Variants in GRHL2 observed in about 807,000 individuals in gnomAD.
GRHL2 encodes the protein grainyhead like transcription factor 2.
Under a neutral mutation model 83.8 loss-of-function variants are expected in GRHL2, and 21 were observed. The observed-to-expected ratio is 0.25, with a 90% CI of 0.18 to 0.36. The LOEUF (loss-of-function observed/expected upper bound fraction) is 0.36. Ranked by LOEUF, GRHL2 falls within the 10% of genes least tolerant of loss-of-function variation. The pLI is 1.00. For missense variants in GRHL2, 623 were observed against 781.8 expected (o/e 0.80, Z 2.42); for synonymous variants, 280 against 278.9 (o/e 1.00, Z -0.04).
chr8:101,532,811 T>TTG (rs566590699), intron 1 of GRHL2, among the ~76,000 whole-genome samples: 215 of 149,310 alleles, frequency 1.4e-3, no homozygotes, highest in African/African-American at 4.7e-3. Context: ...AAGGCTATGC[T>TTG]TGTGTGTGTG....
chr8:101,643,806 C>T (rs981259242), intron 12 of GRHL2, among the ~76,000 whole-genome samples: 1 of 152,258 alleles, frequency 6.6e-6, no homozygotes. Context: ...ATTTACTTCC[C>T]CCCAGCCCCG....
the GRHL2 span, among the ~76,000 whole-genome samples, chr8:101,678,240 C>T: frequency 1.3e-5 from 2 of 152,140 alleles, no homozygotes; most frequent in African/African-American, 4.8e-5. Flanking sequence ...CGTGTGCGAG[C>T]CAAAGCAGGG....
intron 14 of GRHL2, among the ~76,000 whole-genome samples, chr8:101,658,645 G>A (rs960289698): frequency 6.6e-6 from 1 of 152,130 alleles, no homozygotes. Flanking sequence ...CATGCTTTGG[G>A]GAGCTGGGAA....
chr8:101,671,834 C>A (rs1741380231), downstream of GRHL2, among the ~76,000 whole-genome samples: 1 of 152,312 alleles, frequency 6.6e-6, no homozygotes, highest in South Asian at 2.1e-4. Flanking sequence ...TCCTCTGAGA[C>A]AAAACTTTCA....
chr8:101,586,081 T>C (rs1812161670), intron 7 of GRHL2, among the ~76,000 whole-genome samples: 1 of 128,770 alleles, frequency 7.8e-6, no homozygotes, highest in Non-Finnish European at 1.6e-5. Flanking sequence ...TTTTTTTTTT[T>C]TTTTTTTTTG....
At chr8:101,500,358 A>G (rs1288551368) in intron 1 of GRHL2, among the ~76,000 whole-genome samples, 1 of 152,148 alleles carries the variant, frequency 6.6e-6, no homozygotes, top group Non-Finnish European at 1.5e-5. Flanking sequence ...CCTACCATCT[A>G]CCTGCCTGCA....
At chr8:101,560,235 G>T (rs777553956) in intron 4 of GRHL2, among the ~76,000 whole-genome samples, 1 of 152,024 alleles carries the variant, frequency 6.6e-6, no homozygotes, top group Non-Finnish European at 1.5e-5. Flanking sequence ...TCACCATGTT[G>T]TCAGGCTGGT....
chr8:101,541,222 T>G (rs1811148821), intron 1 of GRHL2, among the ~76,000 whole-genome samples: 1 of 150,702 alleles, frequency 6.6e-6, no homozygotes, highest in South Asian at 2.1e-4. Context: ...ACTCATAGAT[T>G]GATGGGTACA....
intron 7 of GRHL2, among the ~76,000 whole-genome samples, chr8:101,581,867 T>A (rs891221680): frequency 6.6e-6 from 1 of 152,146 alleles, no homozygotes; most frequent in Non-Finnish European, 1.5e-5. Context: ...AACTAGGGCA[T>A]GTGAGGTCAA....
chr8:101,512,561 G>A lies in GRHL2; in HGVS notation c.20+19772G>A, dbSNP rs151253709. Among the ~76,000 whole-genome samples the A allele has an allele frequency of 2.6e-3, 392 of 152,170 alleles. 1 individual carries two copies. The highest frequency in any genetic ancestry group is 8.5e-3 in the African/African-American group (353 of 41,508). The stretch of plus-strand genomic sequence containing the variant: ...ATGATCTCAGCTCACTGCAACCTCC[G>A]CCTCCCGGGTTCAAGCAATTCTCCG... On this transcript the variant is annotated intron_variant, in intron 1 of 15. Coordinates refer to ENST00000646743, the MANE Select transcript of GRHL2 (RefSeq NM_024915.4).
chr8:101,547,528 C>G (rs1390275348), intron 2 of GRHL2, among the ~76,000 whole-genome samples: 1 of 152,178 alleles, frequency 6.6e-6, no homozygotes, highest in African/African-American at 2.4e-5. Flanking sequence ...TTGCATAATA[C>G]TTCATAAATT....
intron 2 of GRHL2, among the ~76,000 whole-genome samples, chr8:101,545,870 A>AC (rs1811252381): frequency 1.2e-5 from 1 of 83,620 alleles, no homozygotes; most frequent in African/African-American, 4.8e-5. Context: ...TCTTTGTAAC[A>AC]TTTTTTTTTT....
chr8:101,555,780 A>C (rs1811477887), intron 3 of GRHL2, among the ~76,000 whole-genome samples: 1 of 152,284 alleles, frequency 6.6e-6, no homozygotes, highest in African/African-American at 2.4e-5. Flanking sequence ...AGATATCTTA[A>C]ATATTTTTCT....
intron 4 of GRHL2, among the ~76,000 whole-genome samples, chr8:101,568,421 A>G (rs1811758531): frequency 6.6e-6 from 1 of 152,178 alleles, no homozygotes; most frequent in Admixed American, 6.5e-5. Flanking sequence ...GCTGTCTTTG[A>G]CTTCCAAGGG....
intron 1 of GRHL2, among the ~76,000 whole-genome samples, chr8:101,516,028 T>G (rs1288224410): frequency 6.6e-6 from 1 of 152,168 alleles, no homozygotes; most frequent in Non-Finnish European, 1.5e-5. Flanking sequence ...AGATGGAACT[T>G]GAACCCTGTG....
At chr8:101,627,538 T>A (rs1225114691) in intron 9 of GRHL2, among the ~76,000 whole-genome samples, 1 of 152,128 alleles carries the variant, frequency 6.6e-6, no homozygotes, top group African/African-American at 2.4e-5. Context: ...GAAACAACCA[T>A]ATGAAACCAA....
chr8:101,598,911 G>C, intron 7 of GRHL2, 146 bp from the exon 8 acceptor site: 1 of 659,760 alleles, frequency 1.5e-6, no homozygotes, highest in Non-Finnish European at 2.8e-6. Flanking sequence ...AAGAACATCA[G>C]TGAGCACCAG....
intron 1 of GRHL2, chr8:101,542,704 C>T (rs1298584154): frequency 4.4e-6 from 2 of 455,670 alleles, no homozygotes; most frequent in Non-Finnish European, 8.8e-6. Flanking sequence ...TTTATTGGCT[C>T]ACAATTCTGG....
chr8:101,583,751 C>A (rs1430623062), intron 7 of GRHL2, among the ~76,000 whole-genome samples: 1 of 152,180 alleles, frequency 6.6e-6, no homozygotes, highest in Non-Finnish European at 1.5e-5. Context: ...AAACCACGTT[C>A]TCGGGAAGGC....
Sources: allele counts gnomAD v4.1 joint callset (sites outside exome capture counted in the v4.1 genomes callset), GRCh38; gene constraint gnomAD v4.1.1; transcripts MANE v1.5; gene names NCBI Gene and HGNC (gene_info 2026-07-23, HGNC 2026-07-21).